MYO10: variants seen among roughly 807,000 people sequenced by gnomAD.
The protein encoded by MYO10 is myosin X.
Under a neutral mutation model 257.3 loss-of-function variants are expected in MYO10, and 133 were observed. That is an observed-to-expected ratio of 0.52 (90% CI 0.45 to 0.60). The LOEUF is 0.60. MYO10 is among the 20% of genes least tolerant of loss of function. The pLI is 0.00. For missense variants in MYO10, 2,399 were observed against 2,635.7 expected (o/e 0.91, Z 1.97); for synonymous variants, 1,104 against 1,028.6 (o/e 1.07, Z -1.40).
chr5:16,935,641 G>A (rs1485792836), intron 1 of MYO10, 147 bp downstream of exon 1: 1 of 896,230 alleles, frequency 1.1e-6, no homozygotes, highest in African/African-American at 1.7e-5. Flanking sequence ...CAGAGACTCC[G>A]CGGGGGGATG....
At chr5:16,734,519 G>A (rs1252750482) in intron 19 of MYO10, among the ~76,000 whole-genome samples, 2 of 152,110 alleles carry the variant, frequency 1.3e-5, no homozygotes, top group Non-Finnish European at 2.9e-5. Context: ...GACTCCCGAT[G>A]TCAGGCCGGG....
rs78393243 is a variant in MYO10, at chr5:16,780,320, A to T, written c.826+204T>A. 1.1e-4 allele frequency among the ~76,000 whole-genome samples: 17 copies of T among 151,706 alleles called. No homozygotes were observed. The East Asian group carries it at 1.7e-3, about 16-fold the overall frequency. On this transcript the variant is annotated intron_variant, in intron 8 of 40. Coordinates refer to ENST00000513610, the MANE Select transcript of MYO10 (RefSeq NM_012334.3). ...AAATGTACCAAGACTCAAAAAAAAAAATCTAAGGTTTCTCTACTGATAATT... is the reference window on the plus strand; with the variant it reads ...AAATGTACCAAGACTCAAAAAAAAATATCTAAGGTTTCTCTACTGATAATT...
At chr5:16,836,197 T>C (rs1233470556) in intron 2 of MYO10, among the ~76,000 whole-genome samples, 9 of 152,222 alleles carry the variant, frequency 5.9e-5, no homozygotes, top group Non-Finnish European at 1.2e-4. Context: ...TTTCTGGTGA[T>C]ATCCTTGTAA....
chr5:16,681,065 C>T (rs923716669), intron 32 of MYO10, among the ~76,000 whole-genome samples: 4 of 152,282 alleles, frequency 2.6e-5, no homozygotes, highest in Admixed American at 2.0e-4. Flanking sequence ...CGATGCCCTG[C>T]ATCTGTTGAC....
chr5:16,745,641 T>C (rs369446525), intron 19 of MYO10, among the ~76,000 whole-genome samples: 25 of 152,202 alleles, frequency 1.6e-4, no homozygotes, highest in South Asian at 6.2e-4. Context: ...CGAGTTATGA[T>C]AGTGCCACTA....
chr5:16,935,664 A>T, intron 1 of MYO10, 124 bp downstream of exon 1: 1 of 1,133,252 alleles, frequency 8.8e-7, no homozygotes, highest in Non-Finnish European at 1.3e-6. Context: ...GGGTGATTTC[A>T]GGAGACTCCC....
Position 16,771,611 on chromosome 5 carries a change from C to G in MYO10, c.931-2408G>C, listed in dbSNP as rs534261870. The stretch of plus-strand genomic sequence containing the variant: ...ATTATTATTTTGATACAGGGTCTCA[C>G]TCCTGTCACCTGCACTGGCGGGCAG... On this transcript the variant is annotated intron_variant, in intron 9 of 40. Coordinates refer to ENST00000513610, the MANE Select transcript of MYO10 (RefSeq NM_012334.3). 2.3e-3 allele frequency among the ~76,000 whole-genome samples: 340 copies of G among 149,654 alleles called. 1 individual carries two copies. Among genetic ancestry groups the G allele is most frequent in the African/African-American group, 8.0e-3 (328 of 40,916 alleles).
rs141355574 is a variant in MYO10 at position 16,693,819 on chromosome 5, A to C, written c.3800+552T>G. Among the ~76,000 whole-genome samples the C allele has an allele frequency of 7.3e-3, 1,109 of 152,250 alleles. 5 individuals carry two copies. Among genetic ancestry groups the C allele is most frequent in the Non-Finnish European group, 9.9e-3 (675 of 68,012 alleles). ...AAATAATAGGCCCTCAATAGTCCAA[A>C]GCTTTGGTTCTATAAGGGTGTGGCA... On this transcript the variant is annotated intron_variant, in intron 27 of 40. Transcript: ENST00000513610.
At chr5:16,805,052 G>T (rs1207320155) in intron 3 of MYO10, among the ~76,000 whole-genome samples, 3 of 152,218 alleles carry the variant, frequency 2.0e-5, no homozygotes, top group Non-Finnish European at 2.9e-5. Flanking sequence ...GGCTACATGT[G>T]TAAGAGGTTC....
rs1736424354 is a variant in MYO10, at chr5:16,670,895, C to A, written c.5514G>T (p.Leu1838=). 6.2e-7 allele frequency: 1 copy of A among 1,613,840 alleles called. No individual in the cohort carries two copies. The highest frequency in any genetic ancestry group is 8.5e-7 in the Non-Finnish European group (1 of 1,179,894). Reference sequence around the variant, plus strand: ...CAGCGTGCAGAGTATAATCCCCCTGCAGATACTGGAGTCGCAGGGCAGCAA... The same window carrying A: ...CAGCGTGCAGAGTATAATCCCCCTGAAGATACTGGAGTCGCAGGGCAGCAA... ...QVLAALRLQY[L]QGDYTLHAAI... is the part of the protein sequence containing the mutation. The change falls in exon 39 of 41, where the codon CTG becomes CTT. Residue 1838 remains leucine, a synonymous_variant. Transcript: ENST00000513610.
At chr5:16,769,386 G>A (rs965719884) in intron 9 of MYO10, among the ~76,000 whole-genome samples, 183 bp from the exon 10 acceptor site, 2 of 152,174 alleles carry the variant, frequency 1.3e-5, no homozygotes, top group Non-Finnish European at 2.9e-5. Flanking sequence ...CCAAGCTGGA[G>A]TGCAGTGGCA....
At chr5:16,910,971 T>A (rs149126745) in intron 1 of MYO10, among the ~76,000 whole-genome samples, 1 of 152,154 alleles carries the variant, frequency 6.6e-6, no homozygotes, top group Non-Finnish European at 1.5e-5. Context: ...AAAAAGACAT[T>A]AAGTAAACGT....
intron 4 of MYO10, among the ~76,000 whole-genome samples, chr5:16,785,889 A>G (rs1290628038): frequency 1.5e-5 from 1 of 65,846 alleles, no homozygotes; most frequent in African/African-American, 3.9e-5. Context: ...ATTAAAAAAA[A>G]CAAAAAAACA....
intron 2 of MYO10, among the ~76,000 whole-genome samples, chr5:16,846,898 A>G (rs1206764346): frequency 4.0e-5 from 6 of 151,690 alleles, no homozygotes; most frequent in Non-Finnish European, 8.8e-5. Context: ...CAGGCGGATT[A>G]CCTGAGGTCA....
chr5:16,902,650 C>A (rs887417726), intron 1 of MYO10: 28 of 1,355,890 alleles, frequency 2.1e-5, no homozygotes, highest in Non-Finnish European at 2.9e-5. Context: ...ATCTTGGAAG[C>A]ATGGACCGGA....
chr5:16,848,739 G>A (rs1485081612), intron 2 of MYO10, among the ~76,000 whole-genome samples: 1 of 151,560 alleles, frequency 6.6e-6, no homozygotes, highest in Non-Finnish European at 1.5e-5. Context: ...TGTCTACAGC[G>A]GCACCATCAC....
chr5:16,770,323 C>T (rs1741008055), intron 9 of MYO10, among the ~76,000 whole-genome samples: 2 of 152,166 alleles, frequency 1.3e-5, no homozygotes, highest in Non-Finnish European at 2.9e-5. Context: ...CATCACATCT[C>T]TATTTTTAAT....
At chr5:16,893,359 C>T (rs1273427790) in intron 1 of MYO10, among the ~76,000 whole-genome samples, 1 of 152,100 alleles carries the variant, frequency 6.6e-6, no homozygotes, top group East Asian at 1.9e-4. Context: ...TCCTGCTGGG[C>T]ACCATGGCTC....
At chr5:16,931,940 G>A (rs1056613933) in intron 1 of MYO10, among the ~76,000 whole-genome samples, 3 of 152,160 alleles carry the variant, frequency 2.0e-5, no homozygotes, top group South Asian at 2.1e-4. Context: ...ACCAAATGGG[G>A]AGAAAATTGG....
Sources: gnomAD v4.1 joint callset for allele counts (sites outside exome capture counted in the v4.1 genomes callset) on GRCh38, gnomAD v4.1.1 for gene constraint, MANE v1.5 for transcripts, NCBI Gene and HGNC (gene_info 2026-07-23, HGNC 2026-07-21) for gene names.